ANAPC1: variants seen among roughly 807,000 people sequenced by gnomAD.
ANAPC1 encodes the protein anaphase promoting complex subunit 1, also known as anaphase-promoting complex subunit 1.
In ANAPC1, 36 loss-of-function variants were observed where a neutral mutation model predicts 208.0. That is an observed-to-expected ratio of 0.17 (90% confidence interval 0.13 to 0.23). ANAPC1 has a LOEUF of 0.23. Among genes scored for constraint, ANAPC1 ranks in the 10% least tolerant of loss-of-function variants. ANAPC1 has a pLI of 1.00. For missense variants in ANAPC1, 942 were observed against 2,011.6 expected, an observed-to-expected ratio of 0.47 and a Z score of 10.17; for synonymous variants, 378 against 695.2, an observed-to-expected ratio of 0.54 and a Z score of 7.18.
Position 111,838,481 on chromosome 2 carries a change from A to G in ANAPC1, c.2072T>C (p.Ile691Thr). The G allele has an allele frequency of 5.6e-6, 9 of 1,607,462 alleles. No homozygotes were observed. Among genetic ancestry groups the G allele is most frequent in the Non-Finnish European group, 7.6e-6 (9 of 1,178,124 alleles). Residue 691 changes from isoleucine (I) to threonine (T), a missense_variant, in exon 18 of 48, where the codon ATT becomes ACT. Transcript: ENST00000341068. ...GGAAGGCCTTGCTTTTTTGGGCGCA[A>G]TGACAGGAGAAAGTGATCCTTCAAA... ...FDFEGSLSPV[I>T]APKKARPSET... is the part of the protein sequence containing the mutation.
Position 111,856,789 on chromosome 2 carries a change from A to C in ANAPC1, c.1449+7T>G. The C allele has an allele frequency of 6.2e-7, 1 of 1,613,580 alleles. No individual in the cohort carries two copies. The highest frequency in any genetic ancestry group is 8.5e-7 in the Non-Finnish European group (1 of 1,179,846). On this transcript the variant is annotated splice_region_variant and intron_variant, in intron 12 of 47. Coordinates refer to ENST00000341068, the MANE Select transcript of ANAPC1 (RefSeq NM_022662.4). ...AATTGTCAACTTCTCAAATGTGCCT[A>C]CATTACCTCCACTGGTGCTGCATCC...
chr2:111,858,044 G>A (rs1033418685), intron 11 of ANAPC1, among the ~76,000 whole-genome samples: 2 of 152,024 alleles, frequency 1.3e-5, no homozygotes, highest in East Asian at 1.9e-4. Flanking sequence ...GCTGGAAATG[G>A]GAACAAGACT....
At chr2:111,783,309 T>C (rs1396599364) in intron 42 of ANAPC1, among the ~76,000 whole-genome samples, 1 of 152,144 alleles carries the variant, frequency 6.6e-6, no homozygotes, top group Non-Finnish European at 1.5e-5. Context: ...AGGGACCTGG[T>C]TGGGGGTGAC....
intron 25 of ANAPC1, 182 bp from the exon 26 acceptor site, chr2:111,821,635 A>G: frequency 1.8e-6 from 1 of 571,114 alleles, no homozygotes; most frequent in Non-Finnish European, 3.1e-6. Context: ...ATCTTTCTAA[A>G]AAGTACTATA....
At chr2:111,858,920 C>A (rs1253621100) in intron 10 of ANAPC1, among the ~76,000 whole-genome samples, 1 of 152,088 alleles carries the variant, frequency 6.6e-6, no homozygotes, top group Non-Finnish European at 1.5e-5. Context: ...GAGCTCGTTA[C>A]ACAGCTTTGT....
rs1682474553 is a variant in ANAPC1 at position 111,867,208 on chromosome 2, TGAACCCA to T, written c.685+808_685+814del. Among the ~76,000 whole-genome samples the T allele has an allele frequency of 2.0e-5, 3 of 151,856 alleles. 1 individual carries two copies. Among genetic ancestry groups the T allele is most frequent in the Admixed American group, 2.0e-4 (3 of 15,236 alleles). Reference sequence around the variant, plus strand: ...GGGAGGCTGAAGCAAGATAATCGCTTGAACCCAGGAGGCGGAGGTTGCAGTGAGCCGA... The same window carrying T: ...GGGAGGCTGAAGCAAGATAATCGCTTGGAGGCGGAGGTTGCAGTGAGCCGA... On this transcript the variant is annotated intron_variant, in intron 7 of 47. Coordinates refer to ENST00000341068, the MANE Select transcript of ANAPC1 (RefSeq NM_022662.4).
At position 111,850,770 on chromosome 2, in the gene ANAPC1, T is replaced by A. The variant is rs750915105; in HGVS notation, c.1650+6A>T. The stretch of plus-strand genomic sequence containing the variant: ...ACTTTTTGGCAACACCTAGTCCTTT[T>A]CTTACCTCGTCCAATGATCCAAGGA... On this transcript the variant is annotated splice_donor_region_variant and intron_variant, in intron 14 of 47. Coordinates refer to ENST00000341068, the MANE Select transcript of ANAPC1 (RefSeq NM_022662.4). 3.1e-6 allele frequency: 5 copies of A among 1,611,532 alleles called. No individual in the cohort carries two copies. The highest frequency in any genetic ancestry group is 4.5e-4 in the Middle Eastern group (2 of 4,450).
chr2:111,768,208 G>C lies in ANAPC1; in HGVS notation c.*1083C>G, dbSNP rs565483170. 2.6e-5 allele frequency: 4 copies of C among 152,276 alleles called. No individual in the cohort carries two copies. In the East Asian group the frequency reaches 7.7e-4, roughly 29 times the overall value. The allele number at this position is 152,276 out of a possible 1,614,324, so 9.4% of individuals were successfully genotyped here. A position where few individuals can be genotyped will look rare whatever the true frequency, so the allele number is the denominator to read the frequency against. On this transcript the variant is annotated 3_prime_UTR_variant, in exon 48 of 48. Transcript: ENST00000341068. ...CCTGTGTTGGCAACTCGAAGCTGGA[G>C]GTGCCTTTATATGAACATTTTTCAT...
At chr2:111,845,697 G>A (rs189573723) in intron 16 of ANAPC1, among the ~76,000 whole-genome samples, 2 of 152,134 alleles carry the variant, frequency 1.3e-5, no homozygotes, top group African/African-American at 2.4e-5. Context: ...TTTTAGAGCC[G>A]GGCGCGGTGG....
At chr2:111,841,239 A>G (rs1300179086) in intron 17 of ANAPC1, among the ~76,000 whole-genome samples, 2 of 151,932 alleles carry the variant, frequency 1.3e-5, no homozygotes, top group Admixed American at 1.3e-4. Flanking sequence ...CAGGTCCTGG[A>G]GAGAGAGAGT....
At chr2:111,836,570 C>T (rs1680479416) in intron 18 of ANAPC1, among the ~76,000 whole-genome samples, 1 of 151,180 alleles carries the variant, frequency 6.6e-6, no homozygotes, top group Admixed American at 6.6e-5. Context: ...TGGCTTGAGC[C>T]TAGGAGTTCA....
chr2:111,835,094 AT>A (rs1237646597), intron 18 of ANAPC1, among the ~76,000 whole-genome samples: 1 of 152,202 alleles, frequency 6.6e-6, no homozygotes, highest in Non-Finnish European at 1.5e-5. Context: ...ATTAAAAAAA[AT>A]ATTTTCATGA....
At position 111,843,564 on chromosome 2, in the gene ANAPC1, G is replaced by A. The variant is rs780536707; in HGVS notation, c.1888C>T (p.Pro630Ser). 6.2e-7 allele frequency: 1 copy of A among 1,611,600 alleles called. No individual in the cohort carries two copies. Among genetic ancestry groups the A allele is most frequent in the Non-Finnish European group, 8.5e-7 (1 of 1,179,750 alleles). ...AGCATCTGAACTGCTATTTCTTTTG[G>A]CAGGATAAACTTAATTGCTTGCAAA... ...TCLQAIKFIL[P>S]KEIAVQMLVK... Residue 630 changes from proline (P) to serine (S), a missense_variant, in exon 17 of 48, where the codon CCA (proline) becomes TCA (serine). By Grantham distance (74) the Pro-to-Ser change is moderately conservative (BLOSUM62 -1). Coordinates refer to ENST00000341068, the MANE Select transcript of ANAPC1 (RefSeq NM_022662.4).
At chr2:111,873,581 T>A (rs755959040) in intron 4 of ANAPC1, 32 bp downstream of exon 4, 11 of 1,535,274 alleles carry the variant, frequency 7.2e-6, no homozygotes, top group Middle Eastern at 1.7e-4. Flanking sequence ...GGAATCATCA[T>A]AAGAAAAATA....
intron 28 of ANAPC1, among the ~76,000 whole-genome samples, chr2:111,810,967 T>C (rs546262640): frequency 2.6e-4 from 40 of 151,160 alleles, no homozygotes; most frequent in African/African-American, 7.5e-4. Flanking sequence ...CTAGAATGTA[T>C]ATTAAGAGCA....
intron 40 of ANAPC1, among the ~76,000 whole-genome samples, chr2:111,784,717 CCAAA>C (rs1443420575): frequency 1.3e-4 from 15 of 116,834 alleles, no homozygotes; most frequent in Non-Finnish European, 2.5e-4. Flanking sequence ...CAGGCCTAGT[CCAAA>C]CACTGTCCAC....
intron 13 of ANAPC1, among the ~76,000 whole-genome samples, chr2:111,855,275 C>T (rs1681637401): frequency 6.6e-6 from 1 of 152,108 alleles, no homozygotes; most frequent in Non-Finnish European, 1.5e-5. Context: ...CATCAAAGAC[C>T]ACTGATCACA....
chr2:111,829,899 G>A (rs536053011), intron 21 of ANAPC1, among the ~76,000 whole-genome samples: 12 of 151,874 alleles, frequency 7.9e-5, no homozygotes, highest in South Asian at 4.2e-4. Context: ...GTGAAACCCC[G>A]TCTCTACTAA....
intron 26 of ANAPC1, chr2:111,819,207 C>A (rs1175763768): frequency 1.2e-5 from 12 of 984,770 alleles, no homozygotes; most frequent in Non-Finnish European, 1.4e-5. Flanking sequence ...ATGAAAACCA[C>A]CTGGCCTATA....
Sources: gnomAD v4.1 joint callset for allele counts (sites outside exome capture counted in the v4.1 genomes callset) on GRCh38, gnomAD v4.1.1 for gene constraint, MANE v1.5 for transcripts, NCBI Gene and HGNC (gene_info 2026-07-23, HGNC 2026-07-21) for gene names.